OSBPL10: variants seen among roughly 807,000 people sequenced by gnomAD.
OSBPL10 encodes the protein oxysterol-binding protein-related protein 10.
A neutral mutation model predicts 81.7 loss-of-function variants in OSBPL10; 49 were observed. The observed-to-expected ratio is 0.60, with a 90% CI of 0.48 to 0.76. The LOEUF (loss-of-function observed/expected upper bound fraction) is 0.76. OSBPL10 is among the 30% of genes least tolerant of loss of function. The pLI, the probability that OSBPL10 is intolerant of heterozygous loss-of-function variation, is 0.00. For synonymous variants in OSBPL10, 419 were observed against 383.6 expected (o/e 1.09, Z -1.08); for missense variants, 923 against 987.8 (o/e 0.93, Z 0.88).
Position 31,696,633 on chromosome 3 carries a change from C to T in OSBPL10, c.1245+5726G>A, listed in dbSNP as rs375296040. Among the ~76,000 whole-genome samples, 21 of 152,388 alleles carry T rather than the reference C, an allele frequency of 1.4e-4. No homozygotes were observed. The East Asian group carries it at 3.9e-3, about 28-fold the overall frequency. On this transcript the variant is annotated intron_variant, in intron 7 of 11. Transcript: ENST00000396556. Reference sequence around the variant, plus strand: ...CTCCTCTGACTTCTATCTTACTTCACTGGCTGAACCTTCTTCATCTCCTTT... The same window carrying T: ...CTCCTCTGACTTCTATCTTACTTCATTGGCTGAACCTTCTTCATCTCCTTT...
At chr3:31,751,614 G>GC (rs1697723557) in intron 4 of OSBPL10, among the ~76,000 whole-genome samples, 2 of 152,112 alleles carry the variant, frequency 1.3e-5, no homozygotes, top group African/African-American at 4.8e-5. Context: ...TGCTAACAGT[G>GC]CCCCTTGAGT....
chr3:31,720,548 C>T (rs1559432876), intron 6 of OSBPL10, among the ~76,000 whole-genome samples: 1 of 152,160 alleles, frequency 6.6e-6, no homozygotes, highest in Non-Finnish European at 1.5e-5. Flanking sequence ...TCTCCATGCT[C>T]TATGTAATGT....
At chr3:31,976,351 A>G (rs1698696852) in intron 1 of OSBPL10, among the ~76,000 whole-genome samples, 1 of 152,240 alleles carries the variant, frequency 6.6e-6, no homozygotes, top group Admixed American at 6.5e-5. Flanking sequence ...CAGAAGAGAA[A>G]AACAGAAGCC....
intron 3 of OSBPL10, among the ~76,000 whole-genome samples, chr3:31,855,778 A>G (rs1700895343): frequency 1.3e-5 from 2 of 152,060 alleles, no homozygotes; most frequent in African/African-American, 4.8e-5. Flanking sequence ...ACTGACCCCA[A>G]CTTTATCACT....
At chr3:31,839,185 ACT>A (rs1559486971) in intron 3 of OSBPL10, among the ~76,000 whole-genome samples, 1 of 152,172 alleles carries the variant, frequency 6.6e-6, no homozygotes, top group Non-Finnish European at 1.5e-5. Context: ...AAATATCAAC[ACT>A]GATTCATTAT....
At chr3:31,892,801 G>A (rs146024144) in intron 1 of OSBPL10, among the ~76,000 whole-genome samples, 167 of 152,322 alleles carry the variant, frequency 1.1e-3, no homozygotes, top group Non-Finnish European at 2.1e-3. Flanking sequence ...GCAGTGGGAA[G>A]ACCAGGGGCT....
At chr3:31,956,762 C>A (rs912895078) in intron 1 of OSBPL10, among the ~76,000 whole-genome samples, 4 of 151,560 alleles carry the variant, frequency 2.6e-5, no homozygotes, top group Non-Finnish European at 5.9e-5. Context: ...TGGACCCTGG[C>A]CTTGCTCCCT....
chr3:31,928,762 CAAAAAAAAAA>C (rs58345341), intron 1 of OSBPL10, among the ~76,000 whole-genome samples: 2 of 95,064 alleles, frequency 2.1e-5, no homozygotes, highest in African/African-American at 6.5e-5. Context: ...GACTTGTCTC[CAAAAAAAAAA>C]AAAAAAAAAG....
At chr3:31,860,597 A>C (rs913294398) in intron 3 of OSBPL10, among the ~76,000 whole-genome samples, 1 of 152,140 alleles carries the variant, frequency 6.6e-6, no homozygotes, top group Admixed American at 6.5e-5. Context: ...CCACCACATT[A>C]AAAAAGTTCA....
At chr3:31,703,269 A>T (rs955880995) in intron 6 of OSBPL10, among the ~76,000 whole-genome samples, 16 of 152,226 alleles carry the variant, frequency 1.1e-4, no homozygotes, top group African/African-American at 3.4e-4. Flanking sequence ...GACTCTGGTT[A>T]CAAGGTTAAC....
chr3:31,934,006 C>T (rs1422862819), intron 1 of OSBPL10, among the ~76,000 whole-genome samples: 1 of 151,550 alleles, frequency 6.6e-6, no homozygotes, highest in East Asian at 1.9e-4. Flanking sequence ...TGAGTCAATT[C>T]CCCTACAAAT....
At chr3:31,735,478 A>G (rs9817050) in intron 5 of OSBPL10, among the ~76,000 whole-genome samples, 1 of 152,296 alleles carries the variant, frequency 6.6e-6, no homozygotes, top group East Asian at 1.9e-4. Flanking sequence ...GTGGCTTATC[A>G]TTACAATTGG....
intron 7 of OSBPL10, among the ~76,000 whole-genome samples, chr3:31,695,678 A>C (rs900872785): frequency 6.6e-6 from 1 of 152,208 alleles, no homozygotes; most frequent in African/African-American, 2.4e-5. Context: ...GCAGACTCTT[A>C]GTTTAAATTC....
chr3:31,707,630 A>T (rs994458253), intron 6 of OSBPL10, among the ~76,000 whole-genome samples: 5 of 152,208 alleles, frequency 3.3e-5, no homozygotes, highest in Non-Finnish European at 4.4e-5. Flanking sequence ...GGGTAGTCTG[A>T]GGGTCACAGA....
chr3:31,817,381 C>T (rs1281747032), intron 4 of OSBPL10, among the ~76,000 whole-genome samples: 1 of 152,188 alleles, frequency 6.6e-6, no homozygotes, highest in Non-Finnish European at 1.5e-5. Flanking sequence ...CATCCTCAAG[C>T]CAGTAAGGGT....
chr3:31,929,370 A>G (rs1286503525), intron 1 of OSBPL10, among the ~76,000 whole-genome samples: 1 of 152,246 alleles, frequency 6.6e-6, no homozygotes, highest in Non-Finnish European at 1.5e-5. Context: ...ATTAACATGT[A>G]AAATATGTGG....
At position 32,066,082 on chromosome 3, in the gene OSBPL10, GC is replaced by G. The variant is rs1462813238; in HGVS notation, n.185+11313del. Among the ~76,000 whole-genome samples the G allele has an allele frequency of 2.4e-5, 2 of 82,422 alleles. 1 individual carries two copies. Among genetic ancestry groups the G allele is most frequent in the Non-Finnish European group, 6.5e-5 (2 of 31,002 alleles). The allele number at this position is 82,422 out of a possible 152,430, so 54.1% of individuals were successfully genotyped here. On this transcript the variant is annotated intron_variant and non_coding_transcript_variant, in intron 1 of 3. Transcript: ENST00000479173. ...CAAGGTTGCAGTGAGCAGAGATTGC[GC>G]CACTAGACTCCAGCCTGGGCGACAG... is the stretch of plus-strand genomic sequence containing the variant.
At chr3:31,780,482 ATGAAAT>A (rs1282386702) in intron 4 of OSBPL10, among the ~76,000 whole-genome samples, 4 of 151,696 alleles carry the variant, frequency 2.6e-5, no homozygotes, top group African/African-American at 9.7e-5. Context: ...ATAGAACTAA[ATGAAAT>A]TGAAAAAAAA....
chr3:32,065,797 G>A (rs1699772247), intron 1 of OSBPL10, among the ~76,000 whole-genome samples: 1 of 88,954 alleles, frequency 1.1e-5, no homozygotes, highest in African/African-American at 2.9e-5. Flanking sequence ...CCAAAGGATC[G>A]CTTGAGCCCA....
Sources: gnomAD v4.1 joint callset for allele counts (sites outside exome capture counted in the v4.1 genomes callset) on GRCh38, gnomAD v4.1.1 for gene constraint, MANE v1.5 for transcripts, NCBI Gene and HGNC (gene_info 2026-07-23, HGNC 2026-07-21) for gene names.